The following STXBP5 variants were observed in gnomAD, a reference collection of about 807,000 sequenced individuals.
STXBP5 encodes the protein syntaxin binding protein 5.
STXBP5 carries 50 observed loss-of-function variants against 152.4 expected under a neutral mutation model. That is an observed-to-expected ratio of 0.33 (90% CI 0.26 to 0.42). STXBP5 has a LOEUF of 0.42. STXBP5 is among the 10% of genes least tolerant of loss of function. The pLI is 1.00. For synonymous variants in STXBP5, 492 were observed against 494.7 expected (o/e 0.99, Z 0.07); for missense variants, 1,167 against 1,388.6 (o/e 0.84, Z 2.54).
chr6:147,311,965 A>G (rs1316411751), intron 11 of STXBP5, among the ~76,000 whole-genome samples: 1 of 152,178 alleles, frequency 6.6e-6, no homozygotes, highest in Non-Finnish European at 1.5e-5. Context: ...ACCATGGTTC[A>G]GTATTGTTTT....
intron 2 of STXBP5, among the ~76,000 whole-genome samples, chr6:147,212,611 G>A (rs1776914071): frequency 6.6e-6 from 1 of 152,144 alleles, no homozygotes; most frequent in African/African-American, 2.4e-5. Context: ...TTTGGACTGT[G>A]TTCCTGTAGA....
At chr6:147,277,983 A>T in intron 7 of STXBP5, 98 bp from the exon 8 acceptor site, 1 of 1,121,730 alleles carries the variant, frequency 8.9e-7, no homozygotes, top group Non-Finnish European at 1.2e-6. Flanking sequence ...CTTAGGAAAT[A>T]AAGAAAAGTT....
At chr6:147,239,490 A>G (rs1449193328) in intron 4 of STXBP5, among the ~76,000 whole-genome samples, 2 of 152,142 alleles carry the variant, frequency 1.3e-5, no homozygotes, top group African/African-American at 2.4e-5. Flanking sequence ...TTCTGGAAGG[A>G]TTTACAGTGT....
chr6:147,341,004 A>G (rs1784065690), intron 21 of STXBP5, among the ~76,000 whole-genome samples: 2 of 152,114 alleles, frequency 1.3e-5, no homozygotes, highest in South Asian at 2.1e-4. Context: ...TTTTGGTAGT[A>G]CAGTTATGCA....
At position 147,363,326 on chromosome 6, in the gene STXBP5, A is replaced by G. The variant is rs180935841; in HGVS notation, c.2546-9A>G. On this transcript the variant is annotated splice_polypyrimidine_tract_variant and intron_variant, in intron 23 of 27. Coordinates refer to ENST00000321680, the MANE Select transcript of STXBP5 (RefSeq NM_001127715.4). ...TATTTCAGTTATTTACTAGACTTCT[A>G]TATTTTAGGTACTATATTGAGGTTA... 3 of 1,551,368 alleles carry G rather than the reference A, an allele frequency of 1.9e-6. No homozygotes were observed. The highest frequency in any genetic ancestry group is 4.5e-5 in the East Asian group (2 of 44,426).
intron 3 of STXBP5, among the ~76,000 whole-genome samples, chr6:147,235,821 G>A (rs1778242408): frequency 6.6e-6 from 1 of 152,130 alleles, no homozygotes; most frequent in Non-Finnish European, 1.5e-5. Flanking sequence ...CCTTTTGAAA[G>A]TATAGAAGGA....
intron 8 of STXBP5, among the ~76,000 whole-genome samples, chr6:147,282,618 T>C (rs151317248): frequency 5.6e-4 from 85 of 152,322 alleles, no homozygotes; most frequent in African/African-American, 1.9e-3. Flanking sequence ...CTCTGTATGG[T>C]ACATCTAGGA....
chr6:147,304,639 C>T (rs770333676), intron 9 of STXBP5, among the ~76,000 whole-genome samples: 1 of 152,118 alleles, frequency 6.6e-6, no homozygotes, highest in African/African-American at 2.4e-5. Context: ...GGACAAGCTG[C>T]AGACACTCAA....
chr6:147,315,193 A>C (rs1782582084), intron 14 of STXBP5, among the ~76,000 whole-genome samples: 1 of 152,166 alleles, frequency 6.6e-6, no homozygotes, highest in Non-Finnish European at 1.5e-5. Flanking sequence ...CATTTTAGGA[A>C]GCAAACTGTG....
intron 26 of STXBP5, among the ~76,000 whole-genome samples, chr6:147,377,886 C>T (rs1009160392): frequency 6.7e-5 from 10 of 148,982 alleles, no homozygotes; most frequent in African/African-American, 1.7e-4. Context: ...AAACGAAGCA[C>T]GAAAAAAGAA....
rs1777796782 is a variant in STXBP5, at chr6:147,227,808, T to C, written c.249-7442T>C. ...GTGAACAGTACGTATTATACCTTTT[T>C]TTCTTTTCCTGTGATGACTTTTTTA... On this transcript the variant is annotated intron_variant, in intron 2 of 27. Coordinates refer to ENST00000321680, the MANE Select transcript of STXBP5 (RefSeq NM_001127715.4). 3.3e-5 allele frequency among the ~76,000 whole-genome samples: 5 copies of C among 152,180 alleles called. No individual in the cohort carries two copies. In the South Asian group the frequency reaches 1.0e-3, roughly 32 times the overall value.
intron 5 of STXBP5, among the ~76,000 whole-genome samples, chr6:147,261,266 T>C (rs1779626046): frequency 6.6e-6 from 1 of 152,064 alleles, no homozygotes. Flanking sequence ...ATAAATTTTA[T>C]AAATAATGAT....
At chr6:147,284,331 A>C (rs1010100980) in intron 8 of STXBP5, among the ~76,000 whole-genome samples, 1 of 152,188 alleles carries the variant, frequency 6.6e-6, no homozygotes, top group Non-Finnish European at 1.5e-5. Flanking sequence ...AAACTTTAGA[A>C]AGCAACTGTT....
chr6:147,314,586 CTT>C lies in STXBP5; in HGVS notation c.1362-7_1362-6del, dbSNP rs1348208707. On this transcript the variant is annotated splice_region_variant and splice_polypyrimidine_tract_variant and intron_variant, in intron 13 of 27. Transcript: ENST00000321680. Reference sequence around the variant, plus strand: ...TTTATTCATCACATTCTTAACATTGCTTTTCTTAGGCATGCTGATGGGTCAGT... The same window carrying C: ...TTTATTCATCACATTCTTAACATTGCTTCTTAGGCATGCTGATGGGTCAGT... 6.2e-7 allele frequency: 1 copy of C among 1,607,506 alleles called. No individual in the cohort carries two copies. Among genetic ancestry groups the C allele is most frequent in the African/African-American group, 1.3e-5 (1 of 74,528 alleles).
chr6:147,327,577 G>A (rs1783331181), intron 18 of STXBP5, among the ~76,000 whole-genome samples: 2 of 152,082 alleles, frequency 1.3e-5, no homozygotes, highest in Admixed American at 6.6e-5. Flanking sequence ...GAGTAGCTGG[G>A]ACCATAGGCA....
chr6:147,211,257 C>T (rs1562410319), intron 2 of STXBP5, among the ~76,000 whole-genome samples: 1 of 146,162 alleles, frequency 6.8e-6, no homozygotes, highest in East Asian at 2.0e-4. Flanking sequence ...TGCAGTGAGC[C>T]AAGATTGTGC....
At chr6:147,252,742 C>T (rs905324751) in intron 4 of STXBP5, among the ~76,000 whole-genome samples, 3 of 152,126 alleles carry the variant, frequency 2.0e-5, no homozygotes, top group African/African-American at 7.2e-5. Flanking sequence ...GAAGATACTC[C>T]TCGAGAAGTG....
At chr6:147,332,331 G>A (rs1290682880) in intron 18 of STXBP5, among the ~76,000 whole-genome samples, 2 of 152,166 alleles carry the variant, frequency 1.3e-5, no homozygotes, top group Non-Finnish European at 2.9e-5. Context: ...ATATACAGTA[G>A]ATTACATTAA....
intron 16 of STXBP5, among the ~76,000 whole-genome samples, chr6:147,319,828 CTTTTTTTTTTTTTT>C (rs55948948): frequency 7.0e-5 from 5 of 71,612 alleles, no homozygotes; most frequent in South Asian, 1.3e-3. Flanking sequence ...TATCTGGATT[CTTTTTTTTTTTTTT>C]TTTTTTTTTT....
Sources: allele counts gnomAD v4.1 joint callset (sites outside exome capture counted in the v4.1 genomes callset), GRCh38; gene constraint gnomAD v4.1.1; transcripts MANE v1.5; gene names NCBI Gene and HGNC (gene_info 2026-07-23, HGNC 2026-07-21).